Variants in CCDC7 observed in about 807,000 individuals in gnomAD.
The protein encoded by CCDC7 is coiled-coil domain containing 7.
A neutral mutation model predicts 196.9 loss-of-function variants in CCDC7; 183 were observed. The observed-to-expected ratio is 0.93, with a 90% CI of 0.82 to 1.05. The LOEUF (loss-of-function observed/expected upper bound fraction) is 1.05, where lower values mean the gene tolerates loss of function less well. Ranked by LOEUF, CCDC7 falls within the 50% of genes least tolerant of loss-of-function variation. The pLI is 0.00. For synonymous variants in CCDC7, 525 were observed against 484.6 expected, an observed-to-expected ratio of 1.08 and a Z score of -1.10; for missense variants, 1,540 against 1,482.2, an observed-to-expected ratio of 1.04 and a Z score of -0.64.
chr10:32,591,799 A>T (rs1255500126), intron 18 of CCDC7, among the ~76,000 whole-genome samples: 6 of 152,090 alleles, frequency 3.9e-5, no homozygotes, highest in Non-Finnish European at 2.9e-5. Context: ...CCTGGGATTC[A>T]CCCTTCAGGG....
intron 18 of CCDC7, among the ~76,000 whole-genome samples, chr10:32,589,712 T>G (rs1046443013): frequency 6.6e-6 from 1 of 152,204 alleles, no homozygotes; most frequent in Non-Finnish European, 1.5e-5. Flanking sequence ...TAACATTTGC[T>G]TTATAAACTG....
chr10:32,679,327 A>G (rs1341112938), intron 21 of CCDC7, among the ~76,000 whole-genome samples: 2 of 152,132 alleles, frequency 1.3e-5, no homozygotes, highest in East Asian at 3.9e-4. Flanking sequence ...ATAACCTCCA[A>G]TTGGCAAACA....
chr10:32,453,831 A>C (rs2033705792), intron 2 of CCDC7, among the ~76,000 whole-genome samples: 1 of 152,232 alleles, frequency 6.6e-6, no homozygotes, highest in African/African-American at 2.4e-5. Context: ...GATAACCACC[A>C]ATTCCACTCT....
intron 20 of CCDC7, among the ~76,000 whole-genome samples, chr10:32,642,755 G>T (rs1387279346): frequency 3.9e-5 from 6 of 152,158 alleles, no homozygotes; most frequent in African/African-American, 9.7e-5. Flanking sequence ...CACTCACACT[G>T]GGATCTGTAG....
At position 32,849,589 on chromosome 10, in the gene CCDC7, G is replaced by A. The variant is rs181210587; in HGVS notation, c.3895+871G>A. 2.0e-4 allele frequency among the ~76,000 whole-genome samples: 30 copies of A among 151,312 alleles called. No individual in the cohort carries two copies. In the East Asian group the frequency reaches 5.9e-3, roughly 30 times the overall value. ...ATGGTGGCACGTGCCTGTAGTCCCA[G>A]CTACTTGGGAGGCTGAGGCAGGAGA... On this transcript the variant is annotated intron_variant, in intron 39 of 41. Coordinates refer to ENST00000639629, the Ensembl canonical transcript of CCDC7.
chr10:32,611,216 C>T (rs1163711654), intron 18 of CCDC7, among the ~76,000 whole-genome samples: 1 of 152,162 alleles, frequency 6.6e-6, no homozygotes, highest in East Asian at 1.9e-4. Flanking sequence ...GCATAAATAT[C>T]TTCTTTTGAA....
intron 33 of CCDC7, among the ~76,000 whole-genome samples, chr10:32,836,685 T>G (rs1450731100): frequency 6.6e-6 from 1 of 152,220 alleles, no homozygotes; most frequent in African/African-American, 2.4e-5. Flanking sequence ...TGTCTTCTTT[T>G]GAGAAGTGTC....
intron 20 of CCDC7, among the ~76,000 whole-genome samples, chr10:32,652,683 T>G (rs993782495): frequency 6.6e-6 from 1 of 152,002 alleles, no homozygotes; most frequent in Non-Finnish European, 1.5e-5. Context: ...GAAACAAAAC[T>G]AAAAAAAACT....
rs536072261 is a variant in CCDC7 at position 32,779,782 on chromosome 10, T to A, written c.3013+698T>A. Among the ~76,000 whole-genome samples the A allele has an allele frequency of 1.6e-4, 24 of 152,300 alleles. 1 individual carries two copies. In the South Asian group the frequency reaches 5.0e-3, roughly 32 times the overall value. ...ACTTTGTGAGAGCTTCAGAAAATAGTCACAGATTTATAGAAACCAAGAGAA... is the reference window on the plus strand; with the variant it reads ...ACTTTGTGAGAGCTTCAGAAAATAGACACAGATTTATAGAAACCAAGAGAA... On this transcript the variant is annotated intron_variant, in intron 29 of 41. Transcript: ENST00000639629.
At chr10:32,876,357 T>C in exon 42 of CCDC7, 14 of 1,611,136 alleles carry the variant, frequency 8.7e-6, no homozygotes, top group Non-Finnish European at 1.2e-5. Context: ...TGTTACATGC[T>C]GCTGCCCGAA....
At chr10:32,729,201 T>C in intron 27 of CCDC7, 131 bp from the exon 29 acceptor site, 2 of 943,606 alleles carry the variant, frequency 2.1e-6, no homozygotes, top group Non-Finnish European at 3.2e-6. Flanking sequence ...TTATAAGTAG[T>C]ATCACTGCCT....
chr10:32,471,338 CT>C, intron 6 of CCDC7, 108 bp downstream of exon 7: 1 of 1,322,526 alleles, frequency 7.6e-7, no homozygotes. Context: ...CACAGAGCTT[CT>C]TAGTCAAATC....
chr10:32,856,744 A>G (rs1266418635), intron 41 of CCDC7, among the ~76,000 whole-genome samples: 4 of 152,008 alleles, frequency 2.6e-5, no homozygotes, highest in Non-Finnish European at 5.9e-5. Flanking sequence ...TACCCTGCTC[A>G]TTGGGGCCTA....
At chr10:32,700,173 T>C (rs1457855243) in intron 24 of CCDC7, among the ~76,000 whole-genome samples, 2 of 149,440 alleles carry the variant, frequency 1.3e-5, no homozygotes, top group Non-Finnish European at 1.5e-5. Context: ...TCTTCTAGGG[T>C]TTTTATGGTT....
At chr10:32,755,764 G>C (rs1156680778) in intron 28 of CCDC7, among the ~76,000 whole-genome samples, 2 of 152,150 alleles carry the variant, frequency 1.3e-5, no homozygotes, top group Non-Finnish European at 2.9e-5. Context: ...ACTTTGACGA[G>C]TTGAGAGAAG....
chr10:32,670,079 T>TGTCCTTTCCTGGGTTGTCCTGG (rs1420922660), intron 21 of CCDC7, among the ~76,000 whole-genome samples: 3 of 152,154 alleles, frequency 2.0e-5, no homozygotes, highest in African/African-American at 7.2e-5. Context: ...GGTCGGGACA[T>TGTCCTTTCCTGGGTTGTCCTGG]GTCCTTTCCT....
At chr10:32,469,180 A>G (rs531072545) in intron 5 of CCDC7, among the ~76,000 whole-genome samples, 2 of 152,352 alleles carry the variant, frequency 1.3e-5, no homozygotes, top group South Asian at 2.1e-4. Flanking sequence ...TAATCAAGGG[A>G]CAAAAACCAC....
At chr10:32,739,423 A>G (rs982241021) in intron 28 of CCDC7, among the ~76,000 whole-genome samples, 1 of 152,014 alleles carries the variant, frequency 6.6e-6, no homozygotes, top group East Asian at 1.9e-4. Context: ...AGAACATCAA[A>G]GGCATTCTTA....
intron 20 of CCDC7, among the ~76,000 whole-genome samples, chr10:32,651,979 G>T (rs2068843145): frequency 6.6e-6 from 1 of 152,112 alleles, no homozygotes; most frequent in Non-Finnish European, 1.5e-5. Flanking sequence ...CAGTTTCTTT[G>T]TTGATTTTTT....
Sources: allele counts gnomAD v4.1 joint callset (sites outside exome capture counted in the v4.1 genomes callset), GRCh38; gene constraint gnomAD v4.1.1; transcripts MANE v1.5; gene names NCBI Gene and HGNC (gene_info 2026-07-23, HGNC 2026-07-21).